The following RANBP2 variants were observed in gnomAD, a reference collection of about 807,000 sequenced individuals.
RANBP2 encodes E3 SUMO-protein ligase RanBP2.
RANBP2 carries 57 observed loss-of-function variants against 303.6 expected under a neutral mutation model. The ratio of observed to expected loss-of-function variants is 0.19; its 90% CI spans 0.15 to 0.23. The LOEUF is 0.23. RANBP2 is among the 10% of genes least tolerant of loss of function. The pLI is 1.00. For synonymous variants in RANBP2, 1,167 were observed against 1,301.5 expected, an observed-to-expected ratio of 0.90 and a Z score of 2.23; for missense variants, 3,138 against 3,780.8, an observed-to-expected ratio of 0.83 and a Z score of 4.46.
chr2:109,237,503 A>C, the RANBP2 span, among the ~76,000 whole-genome samples: 14 of 152,358 alleles, frequency 9.2e-5, no homozygotes, highest in African/African-American at 2.9e-4. Context: ...AGCTTGTCCA[A>C]CCCGCGGCCT....
rs531942994 is a variant in RANBP2, at chr2:108,763,919, G to T, written c.3380G>T (p.Arg1127Leu). 1 of 1,613,888 alleles carries T rather than the reference G, an allele frequency of 6.2e-7. No homozygotes were observed. Among genetic ancestry groups the T allele is most frequent in the Admixed American group, 1.7e-5 (1 of 60,012 alleles). Residue 1127 changes from arginine to leucine, a missense_variant, in exon 20 of 29, where the codon CGA becomes CTA. By Grantham distance (102) the Arg-to-Leu change is moderately radical. Transcript: ENST00000283195. ...SSQQKNSGFR[R>L]SDDMFTFHGP... is the part of the protein sequence containing the mutation. Reference sequence around the variant, plus strand: ...CAGCAAAAGAATTCTGGTTTTCGGCGAAGTGATGATATGTTTACTTTCCAT... The same window carrying T: ...CAGCAAAAGAATTCTGGTTTTCGGCTAAGTGATGATATGTTTACTTTCCAT...
At chr2:109,615,851 G>A in the RANBP2 span, 1 of 1,614,094 alleles carries the variant, frequency 6.2e-7, no homozygotes, top group South Asian at 1.1e-5. Context: ...GCAAAGCCAA[G>A]GATCCAGGGC....
At chr2:109,490,573 C>G in the RANBP2 span, 3 of 1,399,220 alleles carry the variant, frequency 2.1e-6, no homozygotes, top group Non-Finnish European at 2.8e-6. Context: ...AAGCATTCAC[C>G]TGTTTGGTTT....
At chr2:109,192,203 T>C in the RANBP2 span, among the ~76,000 whole-genome samples, 3 of 152,220 alleles carry the variant, frequency 2.0e-5, no homozygotes, top group Admixed American at 2.0e-4. Context: ...CACAGGCTAC[T>C]GAACCTCTTT....
At chr2:108,739,265 T>C (rs1388031013) in intron 6 of RANBP2, among the ~76,000 whole-genome samples, 1 of 152,056 alleles carries the variant, frequency 6.6e-6, no homozygotes. Context: ...TAGCCGGGTA[T>C]GTTGGCACGC....
the RANBP2 span, among the ~76,000 whole-genome samples, chr2:109,457,550 T>C: frequency 6.6e-6 from 1 of 152,226 alleles, no homozygotes; most frequent in Non-Finnish European, 1.5e-5. Flanking sequence ...TCCTACACTC[T>C]AGTGCCACAC....
the RANBP2 span, among the ~76,000 whole-genome samples, chr2:108,969,289 TTCTG>T: frequency 2.0e-5 from 3 of 152,188 alleles, no homozygotes; most frequent in Non-Finnish European, 4.4e-5. Flanking sequence ...TGCACTTTGA[TTCTG>T]TCTTTCCAAG....
the RANBP2 span, among the ~76,000 whole-genome samples, chr2:109,466,334 G>T: frequency 6.6e-6 from 1 of 152,104 alleles, no homozygotes; most frequent in African/African-American, 2.4e-5. Flanking sequence ...GCCCGCCTCG[G>T]CCTCCCAAAG....
At chr2:109,038,291 C>T in the RANBP2 span, among the ~76,000 whole-genome samples, 1 of 152,152 alleles carries the variant, frequency 6.6e-6, no homozygotes, top group South Asian at 2.1e-4. Context: ...CAAAATGGAT[C>T]ACAGACTTAA....
the RANBP2 span, among the ~76,000 whole-genome samples, chr2:108,905,824 G>A: frequency 2.6e-5 from 4 of 151,060 alleles, no homozygotes; most frequent in Non-Finnish European, 2.9e-5. Flanking sequence ...CAGGTTATGG[G>A]GAGACAGCCT....
At chr2:109,322,898 T>A in the RANBP2 span, among the ~76,000 whole-genome samples, 3 of 152,208 alleles carry the variant, frequency 2.0e-5, no homozygotes, top group African/African-American at 7.2e-5. Flanking sequence ...AATGTTAAGA[T>A]GAGGCCAAGA....
At chr2:109,120,620 T>G in the RANBP2 span, among the ~76,000 whole-genome samples, 1 of 131,252 alleles carries the variant, frequency 7.6e-6, no homozygotes, top group African/African-American at 3.0e-5. Flanking sequence ...TGAGCCGAGA[T>G]CGCGCCATTG....
intron 18 of RANBP2, among the ~76,000 whole-genome samples, chr2:108,759,002 G>C (rs969824083): frequency 6.7e-6 from 1 of 148,936 alleles, no homozygotes; most frequent in African/African-American, 2.5e-5. Context: ...GAATCATACT[G>C]GGTTTTTAAG....
the RANBP2 span, among the ~76,000 whole-genome samples, chr2:109,219,286 T>C: frequency 8.6e-5 from 12 of 139,764 alleles, no homozygotes; most frequent in African/African-American, 3.3e-4. Flanking sequence ...CTCAGTATTA[T>C]TTCCAAAACA....
the RANBP2 span, among the ~76,000 whole-genome samples, chr2:109,425,257 A>G: frequency 6.6e-4 from 100 of 152,376 alleles, no homozygotes; most frequent in African/African-American, 2.4e-3. Context: ...TTAAAGAAAG[A>G]AGCCATCTCT....
At chr2:109,006,148 G>A in the RANBP2 span, among the ~76,000 whole-genome samples, 4 of 152,060 alleles carry the variant, frequency 2.6e-5, no homozygotes, top group Admixed American at 1.3e-4. Context: ...TGACGCTACT[G>A]GCTGAAACAC....
the RANBP2 span, among the ~76,000 whole-genome samples, chr2:109,266,359 C>T: frequency 6.6e-6 from 1 of 151,514 alleles, no homozygotes; most frequent in Non-Finnish European, 1.5e-5. Context: ...TACACAGGAT[C>T]CACTCTGCAT....
At chr2:109,444,696 G>A in the RANBP2 span, among the ~76,000 whole-genome samples, 327 of 152,222 alleles carry the variant, frequency 2.1e-3, 2 homozygotes, top group African/African-American at 7.7e-3. Context: ...CTAAGGGAGG[G>A]TCCTAGAGGC....
the RANBP2 span, among the ~76,000 whole-genome samples, chr2:109,266,298 A>ATGTGTTGTG: frequency 2.0e-5 from 3 of 147,186 alleles, no homozygotes; most frequent in African/African-American, 7.9e-5. Context: ...TGTTGTGTGT[A>ATGTGTTGTG]TGTGTTGTGT....
Sources: gnomAD v4.1 joint callset for allele counts (sites outside exome capture counted in the v4.1 genomes callset) on GRCh38, gnomAD v4.1.1 for gene constraint, MANE v1.5 for transcripts, NCBI Gene and HGNC (gene_info 2026-07-23, HGNC 2026-07-21) for gene names.